The following TTN variants were observed in gnomAD, a reference collection of about 807,000 sequenced individuals.
The protein encoded by TTN is connectin.
In TTN, 1,525 loss-of-function variants were observed where a neutral mutation model predicts 3,223.0. That is an observed-to-expected ratio of 0.47 (90% CI 0.45 to 0.49). The LOEUF is 0.49. Among genes scored for constraint, TTN ranks in the 20% least tolerant of loss-of-function variants. TTN has a pLI of 0.00. For missense variants in TTN, 40,786 were observed against 43,424.0 expected (o/e 0.94, Z 5.40); for synonymous variants, 14,094 against 15,161.0 (o/e 0.93, Z 5.17).
intron 46 of TTN, 100 bp downstream of exon 46, chr2:178,756,122 A>T: frequency 1.1e-6 from 1 of 878,664 alleles, no homozygotes; most frequent in Non-Finnish European, 1.8e-6. Context: ...ATTTAGAGAT[A>T]TTCTAATTAA....
At position 178,585,137 on chromosome 2, in the gene TTN, T is replaced by C. The variant is rs551977619; in HGVS notation, c.64607A>G (p.Tyr21536Cys). Residue 21536 changes from tyrosine (Y) to cysteine (C), a missense_variant, in exon 309 of 363, where the codon TAC becomes TGC. Coordinates refer to ENST00000589042, the MANE Select transcript of TTN (RefSeq NM_001267550.2). ...IKDVTRKDSG[Y>C]YSLTAENSSG... ...ACTGTTCTCTGCTGTGAGGCTGTAG[T>C]AACCACTGTCTTTCCTAGTCACATC... The C allele has an allele frequency of 6.2e-7, 1 of 1,613,368 alleles. No homozygotes were observed. Among genetic ancestry groups the C allele is most frequent in the African/African-American group, 1.3e-5 (1 of 75,022 alleles).
rs1455373620 is a variant in TTN, at chr2:178,537,465, T to A, written c.99742A>T (p.Thr33248Ser). The A allele has an allele frequency of 6.2e-7, 1 of 1,613,426 alleles. No homozygotes were observed. The highest frequency in any genetic ancestry group is 8.5e-7 in the Non-Finnish European group (1 of 1,179,706). Reference protein sequence around the residue: ...QNSENITIENTEHYTHLVMKN... With the variant: ...QNSENITIENSEHYTHLVMKN... ...ATGACAAGATGAGTATAGTGCTCAG[T>A]GTTTTCAATAGTAATGTTTTCTGAG... is the stretch of plus-strand genomic sequence containing the variant. The change falls in exon 355 of 363, where the codon ACT becomes TCT. Residue 33248 changes from threonine (T) to serine (S), a missense_variant. Thr to Ser is a moderately conservative substitution (Grantham distance 58). Coordinates refer to ENST00000589042, the MANE Select transcript of TTN (RefSeq NM_001267550.2).
rs2154177840 is a variant in TTN at position 178,582,027 on chromosome 2, T to C, written c.66342A>G (p.Thr22114=). The C allele has an allele frequency of 8.7e-6, 14 of 1,613,360 alleles. No homozygotes were observed. Among genetic ancestry groups the C allele is most frequent in the Non-Finnish European group, 1.2e-5 (14 of 1,179,502 alleles). Residue 22114 remains threonine (T), a synonymous_variant, in exon 315 of 363, where the codon ACA becomes ACG. Transcript: ENST00000589042. ...KVNRKPIIER[T]LKATGLQEGT... ...CTTCTTGAAGACCTGTTGCTTTTAA[T>C]GTTCTTTCTATAATAGGTTTTCTGT...
chr2:178,549,469 A>G lies in TTN; in HGVS notation c.92157T>C (p.Val30719=). The G allele has an allele frequency of 1.9e-6, 3 of 1,600,502 alleles. No individual in the cohort carries two copies. The highest frequency in any genetic ancestry group is 2.6e-6 in the Non-Finnish European group (3 of 1,171,782). ...DPVVAQIQYT[V]PDAPGIPEPS... ...GTTCTGGAATGCCAGGGGCATCAGGAACAGCTGTAAAACAAAAACAAAACC... is the reference window on the plus strand; with the variant it reads ...GTTCTGGAATGCCAGGGGCATCAGGGACAGCTGTAAAACAAAAACAAAACC... Residue 30719 remains valine (V), a synonymous_variant, in exon 339 of 363, where the codon GTT becomes GTC. Transcript: ENST00000589042.
At chr2:178,699,513 A>G (rs1452808741) in intron 111 of TTN, among the ~76,000 whole-genome samples, 13 of 128,982 alleles carry the variant, frequency 1.0e-4, no homozygotes, top group Admixed American at 2.6e-4. Flanking sequence ...CCAGGTCCAC[A>G]CCATTCTCCT....
At position 178,577,428 on chromosome 2, in the gene TTN, A is replaced by G. The variant is rs745369286; in HGVS notation, c.68907T>C (p.Ile22969=). ...KAGDTIVLNA[I]SILGKPLPKS... ...TTGGAAGGGGTTTGCCAAGAATGCTAATGGCATTCAAAACAATGGTATCCC... is the reference window on the plus strand; with the variant it reads ...TTGGAAGGGGTTTGCCAAGAATGCTGATGGCATTCAAAACAATGGTATCCC... The change falls in exon 324 of 363, where the codon ATT becomes ATC. Residue 22969 remains isoleucine, a synonymous_variant. Transcript: ENST00000589042. The G allele has an allele frequency of 6.2e-7, 1 of 1,610,592 alleles. No individual in the cohort carries two copies. Among genetic ancestry groups the G allele is most frequent in the African/African-American group, 1.3e-5 (1 of 74,830 alleles).
In TTN at chr2:178,770,547, A is replaced by G; in HGVS notation, c.8245T>C (p.Ser2749Pro). 1 of 1,614,124 alleles carries G rather than the reference A, an allele frequency of 6.2e-7. No homozygotes were observed. Among genetic ancestry groups the G allele is most frequent in the Non-Finnish European group, 8.5e-7 (1 of 1,180,008 alleles). The stretch of plus-strand genomic sequence containing the variant: ...ACAGAGATAGCATACTTTTCATTGG[A>G]TTCCAGCACAACTCCATTTTTGATC... ...QWIKNGVVLE[S>P]NEKYAISVKG... Residue 2749 changes from serine to proline, a missense_variant, in exon 35 of 363, where the codon TCC becomes CCC. Transcript: ENST00000589042.
intron 140 of TTN, 65 bp downstream of exon 140, chr2:178,679,829 A>G: frequency 1.3e-6 from 2 of 1,593,220 alleles, no homozygotes; most frequent in Non-Finnish European, 1.7e-6. Context: ...CCAGAATCTG[A>G]CCAAATCAGA....
At position 178,689,292 on chromosome 2, in the gene TTN, T is replaced by C. The variant is rs1187971936; in HGVS notation, c.32009A>G (p.Lys10670Arg). 1 of 1,611,134 alleles carries C rather than the reference T, an allele frequency of 6.2e-7. No individual in the cohort carries two copies. Among genetic ancestry groups the C allele is most frequent in the East Asian group, 2.2e-5 (1 of 44,884 alleles). The change falls in exon 124 of 363, where the codon AAA becomes AGA. Residue 10670 changes from lysine to arginine, a missense_variant and splice_region_variant. Lys to Arg is a conservative substitution (Grantham distance 26). Transcript: ENST00000589042. ...TTGGGAAGATGGAGAAACAATACCT[T>C]TTGGTGGTGGTGGAACTTCTTCCTC... ...RKEEEVPPPPKVPALPKKPVP... is the reference protein window; with the variant it reads ...RKEEEVPPPPRVPALPKKPVP...
chr2:178,799,978 A>G, intron 4 of TTN, 68 bp from the exon 5 acceptor site: 2 of 1,531,000 alleles, frequency 1.3e-6, no homozygotes, highest in Non-Finnish European at 9.0e-7. Flanking sequence ...GATTCTGTTA[A>G]TTCTGACTAC....
rs72648967 is a variant in TTN at position 178,722,614 on chromosome 2, G to C, written c.22240+45C>G. 913 of 1,592,558 alleles carry C rather than the reference G, an allele frequency of 5.7e-4. 3 individuals are homozygous for C. The African/African-American group carries it at 0.011, about 20-fold the overall frequency. The stretch of plus-strand genomic sequence containing the variant: ...TGAGAAGTTCACCATAAAGATACAA[G>C]AGTTAAGGAAAAAAGAATTTTTTTA... On this transcript the variant is annotated intron_variant, in intron 76 of 362. Transcript: ENST00000589042.
At position 178,630,257 on chromosome 2, in the gene TTN, G is replaced by A. The variant is rs1256915218; in HGVS notation, c.44265C>T (p.Ala14755=). 6.2e-7 allele frequency: 1 copy of A among 1,612,922 alleles called. No individual in the cohort carries two copies. The highest frequency in any genetic ancestry group is 8.5e-7 in the Non-Finnish European group (1 of 1,179,412). ...AATACTTACGCTTAACTCGGAGGTG[G>A]GCACTAGATTTAACATTGGCAGCTT... ...DFQAANVKSS[A]HLRVKPRVIG... is the part of the protein sequence containing the mutation. The change falls in exon 239 of 363, where the codon GCC becomes GCT. Residue 14755 remains alanine, a synonymous_variant. Transcript: ENST00000589042.
In TTN at chr2:178,804,602, C is replaced by A. The variant is rs771027745; in HGVS notation, c.41G>T (p.Ser14Ile). 8 of 1,613,960 alleles carry A rather than the reference C, an allele frequency of 5.0e-6. No homozygotes were observed. The highest frequency in any genetic ancestry group is 6.8e-6 in the Non-Finnish European group (8 of 1,179,940). The stretch of plus-strand genomic sequence containing the variant: ...GGTACTACCCTCCAGTACCACAACG[C>A]TTTGTAACGGCTGCGTAAACGTCGG... ...QAPTFTQPLQ[S>I]VVVLEGSTAT... is the part of the protein sequence containing the mutation. Residue 14 changes from serine to isoleucine, a missense_variant, in exon 2 of 363, where the codon AGC becomes ATC. Ser to Ile is a moderately radical substitution (Grantham distance 142). Transcript: ENST00000589042.
rs149668487 is a variant in TTN, at chr2:178,776,041, T to C, written c.5823A>G (p.Arg1941=). ...GAAACTCAGGCCTTGGTTCAGGAGC[T>C]CTCCTAAGGACAGACCTAAAATCTT... The part of the protein sequence containing the change: ...QREDFRSVLR[R]APEPRPEFHV... The change falls in exon 28 of 363, where the codon AGA becomes AGG. Residue 1941 remains arginine, a synonymous_variant. Coordinates refer to ENST00000589042, the MANE Select transcript of TTN (RefSeq NM_001267550.2). 9.0e-4 allele frequency: 1,455 copies of C among 1,614,162 alleles called. 15 individuals carry two copies. Among genetic ancestry groups the C allele is most frequent in the Non-Finnish European group, 8.1e-4 (960 of 1,180,010 alleles).
intron 37 of TTN, 146 bp from the exon 38 acceptor site, chr2:178,769,079 CA>C: frequency 1.1e-6 from 1 of 911,108 alleles, no homozygotes; most frequent in Non-Finnish European, 1.7e-6. Context: ...TGATACCTTC[CA>C]TGTACTATAC....
intron 134 of TTN, 42 bp downstream of exon 134, chr2:178,683,169 A>G (rs2069902218): frequency 7.4e-7 from 1 of 1,345,702 alleles, no homozygotes; most frequent in South Asian, 1.3e-5. Flanking sequence ...AAAGAGCCAG[A>G]TAGTTTCATG....
chr2:178,526,948 T>C lies in TTN; in HGVS notation c.*64A>G. 2 of 1,399,558 alleles carry C rather than the reference T, an allele frequency of 1.4e-6. No homozygotes were observed. Among genetic ancestry groups the C allele is most frequent in the African/African-American group, 1.4e-5 (1 of 69,738 alleles). 86.7% of individuals were successfully genotyped at this position (1,399,558 alleles called of 1,614,324 possible). ...TTAAATATTTACAGTTCAGAAAGAT[T>C]AGTCCGTGTGAAACGTTTGCGAAAA... is the stretch of plus-strand genomic sequence containing the variant. On this transcript the variant is annotated 3_prime_UTR_variant, in exon 363 of 363. Transcript: ENST00000589042.
At chr2:178,734,665 C>A (rs1469912408) in intron 51 of TTN, 42 bp downstream of exon 51, 4 of 1,570,000 alleles carry the variant, frequency 2.5e-6, no homozygotes, top group Non-Finnish European at 3.5e-6. Context: ...AAAGGGAAAT[C>A]TTTTCTCAGA....
intron 13 of TTN, among the ~76,000 whole-genome samples, chr2:178,786,734 T>C (rs539586017): frequency 2.0e-4 from 30 of 152,220 alleles, no homozygotes; most frequent in Admixed American, 1.7e-3. Context: ...TATCAGAAAA[T>C]ACCTTTCTTA....
Sources: allele counts gnomAD v4.1 joint callset (sites outside exome capture counted in the v4.1 genomes callset), GRCh38; gene constraint gnomAD v4.1.1; transcripts MANE v1.5; gene names NCBI Gene and HGNC (gene_info 2026-07-23, HGNC 2026-07-21).